Variants in PACRG observed in about 807,000 individuals in gnomAD.
PACRG encodes the protein parkin coregulated gene protein.
In PACRG, 29 loss-of-function variants were observed where a neutral mutation model predicts 29.7. The observed-to-expected ratio is 0.98, with a 90% CI of 0.73 to 1.33. PACRG has a LOEUF of 1.33. Among genes scored for constraint, PACRG ranks in the 40% most tolerant of loss-of-function variants. The pLI, the probability that PACRG is intolerant of heterozygous loss-of-function variation, is 0.00. For missense variants in PACRG, 279 were observed against 316.2 expected (o/e 0.88, Z 0.89); for synonymous variants, 116 against 118.7 (o/e 0.98, Z 0.15).
chr6:163,094,820 A>G (rs1814424513), intron 4 of PACRG, among the ~76,000 whole-genome samples: 1 of 152,178 alleles, frequency 6.6e-6, no homozygotes, highest in African/African-American at 2.4e-5. Context: ...TACACCTAAC[A>G]TTTCCATCTG....
intron 3 of PACRG, among the ~76,000 whole-genome samples, chr6:163,084,582 C>G (rs1813368360): frequency 6.6e-6 from 1 of 152,054 alleles, no homozygotes; most frequent in Non-Finnish European, 1.5e-5. Context: ...ACTTAGAGCT[C>G]CATTTTAGAT....
rs1261086367 is a variant in PACRG at position 163,269,793 on chromosome 6, A to AAAGGAAGGAAGG, written c.614-45016_614-45005dup. 9.8e-5 allele frequency among the ~76,000 whole-genome samples: 8 copies of AAAGGAAGGAAGG among 81,522 alleles called. 1 individual carries two copies. The highest frequency in any genetic ancestry group is 3.6e-4 in the African/African-American group (8 of 22,394). The allele number at this position is 81,522 out of a possible 152,430, so 53.5% of individuals were successfully genotyped here. A position where few individuals can be genotyped will look rare whatever the true frequency, so the allele number is the denominator to read the frequency against. On this transcript the variant is annotated intron_variant, in intron 4 of 4. Transcript: ENST00000366888. ...GACAGACAGACAGACAGAAAGAAAG[A>AAAGGAAGGAAGG]AAGGAAGGAAGGAAGGAAGGAAGGA...
chr6:162,942,772 GTGCCAGAAATCGTATA>G (rs571700761), intron 2 of PACRG, among the ~76,000 whole-genome samples: 2 of 152,244 alleles, frequency 1.3e-5, no homozygotes, highest in South Asian at 4.1e-4. Context: ...GATTGATTCA[GTGCCAGAAATCGTATA>G]TGGAGGGGGC....
intron 2 of PACRG, among the ~76,000 whole-genome samples, chr6:162,816,830 C>T (rs1230149189): frequency 6.6e-6 from 1 of 152,104 alleles, no homozygotes; most frequent in Non-Finnish European, 1.5e-5. Context: ...GATCCGTCCC[C>T]CACAAAAAAC....
At chr6:162,927,641 A>G (rs149495513) in intron 2 of PACRG, among the ~76,000 whole-genome samples, 1 of 151,958 alleles carries the variant, frequency 6.6e-6, no homozygotes, top group East Asian at 1.9e-4. Context: ...AAAACACACC[A>G]GGGTCAGAGG....
rs3064934 is a variant in PACRG at position 163,239,841 on chromosome 6, T to TACAC, written c.614-74979_614-74976dup. 6.7e-3 allele frequency among the ~76,000 whole-genome samples: 833 copies of TACAC among 124,698 alleles called. 15 individuals are homozygous for TACAC. The highest frequency in any genetic ancestry group is 0.059 in the South Asian group (206 of 3,500). The allele number at this position is 124,698 out of a possible 152,430, so 81.8% of individuals were successfully genotyped here. On this transcript the variant is annotated intron_variant, in intron 4 of 4. Coordinates refer to ENST00000366888, the MANE Select transcript of PACRG (RefSeq NM_001080379.2). ...ACCCCTACTTCTACACACACTCACA[T>TACAC]ACACACACACTCTCACACTCCCACC...
intron 2 of PACRG, among the ~76,000 whole-genome samples, chr6:162,893,794 G>A (rs1383681924): frequency 6.6e-6 from 1 of 152,180 alleles, no homozygotes; most frequent in Admixed American, 6.5e-5. Flanking sequence ...CACCCAGTTA[G>A]AAAGATGGCA....
chr6:163,053,010 A>G (rs1271732939), intron 2 of PACRG, among the ~76,000 whole-genome samples: 1 of 152,200 alleles, frequency 6.6e-6, no homozygotes, highest in Non-Finnish European at 1.5e-5. Flanking sequence ...ATTTTAACTG[A>G]TATGTCTAAA....
intron 3 of PACRG, among the ~76,000 whole-genome samples, chr6:163,073,613 A>G (rs973603199): frequency 6.6e-6 from 1 of 152,236 alleles, no homozygotes; most frequent in East Asian, 1.9e-4. Flanking sequence ...CCTTTTGCAT[A>G]GCAAAGGAAA....
intron 1 of PACRG, among the ~76,000 whole-genome samples, chr6:162,739,756 C>A (rs1182636018): frequency 6.6e-6 from 1 of 150,762 alleles, no homozygotes; most frequent in Admixed American, 6.6e-5. Flanking sequence ...GCAGGGGACT[C>A]ACTTGAACCC....
chr6:162,982,755 C>T (rs1374279921), intron 2 of PACRG, among the ~76,000 whole-genome samples: 2 of 151,992 alleles, frequency 1.3e-5, no homozygotes, highest in African/African-American at 2.4e-5. Flanking sequence ...GTTCCATGTG[C>T]TGATGAATAG....
intron 1 of PACRG, among the ~76,000 whole-genome samples, chr6:162,791,303 G>GTT (rs1272846363): frequency 3.1e-4 from 26 of 85,090 alleles, no homozygotes; most frequent in African/African-American, 1.2e-3. Flanking sequence ...CTCCTAGTTT[G>GTT]TTTGTTTGTT....
At chr6:163,031,575 G>A (rs908211811) in intron 2 of PACRG, among the ~76,000 whole-genome samples, 2 of 152,154 alleles carry the variant, frequency 1.3e-5, no homozygotes, top group East Asian at 3.8e-4. Flanking sequence ...AGACAAATCA[G>A]CAAGACAAAT....
chr6:163,269,520 C>A (rs7759634), intron 4 of PACRG, among the ~76,000 whole-genome samples: 1 of 152,090 alleles, frequency 6.6e-6, no homozygotes, highest in South Asian at 2.1e-4. Flanking sequence ...TGATTCAGTT[C>A]GCTACCTCCT....
At chr6:162,799,328 A>G (rs895290206) in intron 1 of PACRG, among the ~76,000 whole-genome samples, 1 of 152,220 alleles carries the variant, frequency 6.6e-6, no homozygotes, top group African/African-American at 2.4e-5. Flanking sequence ...GTACATGTTC[A>G]TCTTTTCTCC....
chr6:163,239,667 A>AC (rs1379516869), intron 4 of PACRG, among the ~76,000 whole-genome samples: 1 of 101,336 alleles, frequency 9.9e-6, no homozygotes, highest in African/African-American at 4.0e-5. Flanking sequence ...ACACACCCAC[A>AC]CCCCCCACCC....
At chr6:162,898,943 A>T (rs775024891) in intron 2 of PACRG, among the ~76,000 whole-genome samples, 1 of 152,232 alleles carries the variant, frequency 6.6e-6, no homozygotes, top group Non-Finnish European at 1.5e-5. Flanking sequence ...TTTAGTATCT[A>T]GACACATTAT....
At chr6:162,969,062 A>AAAAAAAAAAAAAAT (rs1801305945) in intron 2 of PACRG, among the ~76,000 whole-genome samples, 1 of 151,352 alleles carries the variant, frequency 6.6e-6, no homozygotes. Context: ...AAAAAAAAAA[A>AAAAAAAAAAAAAAT]AAAAGTAACA....
chr6:163,015,996 G>A (rs1562833541), intron 2 of PACRG, among the ~76,000 whole-genome samples: 1 of 152,162 alleles, frequency 6.6e-6, no homozygotes, highest in Non-Finnish European at 1.5e-5. Flanking sequence ...AATACCTTGT[G>A]TTTATTTTCT....
Sources: gnomAD v4.1 joint callset for allele counts (sites outside exome capture counted in the v4.1 genomes callset) on GRCh38, gnomAD v4.1.1 for gene constraint, MANE v1.5 for transcripts, NCBI Gene and HGNC (gene_info 2026-07-23, HGNC 2026-07-21) for gene names.